CECR2: variants seen among roughly 807,000 people sequenced by gnomAD.
The protein encoded by CECR2 is chromatin remodeling regulator CECR2.
CECR2 carries 30 observed loss-of-function variants against 154.5 expected under a neutral mutation model. The observed-to-expected ratio is 0.19, with a 90% CI of 0.15 to 0.26. The LOEUF is 0.26. CECR2 is among the 10% of genes least tolerant of loss of function. The probability of loss-of-function intolerance (pLI) is 1.00; values close to 1 mark genes in which losing one functional copy is unlikely to be tolerated. For missense variants in CECR2, 1,743 were observed against 1,829.3 expected, an observed-to-expected ratio of 0.95 and a Z score of 0.86; for synonymous variants, 725 against 683.7, an observed-to-expected ratio of 1.06 and a Z score of -0.94.
chr22:17,410,386 T>C (rs1283605606), intron 1 of CECR2, among the ~76,000 whole-genome samples: 2 of 151,644 alleles, frequency 1.3e-5, no homozygotes, highest in Admixed American at 1.3e-4. Context: ...AATGGTATAG[T>C]TTTCTTTCAT....
chr22:17,493,316 G>A (rs1225637936), intron 2 of CECR2, among the ~76,000 whole-genome samples: 2 of 152,264 alleles, frequency 1.3e-5, no homozygotes, highest in African/African-American at 4.8e-5. Flanking sequence ...ATGCAAAATT[G>A]TGTGCTCATT....
chr22:17,554,087 G>GTA lies in CECR2; in HGVS notation c.*1249_*1250dup, dbSNP rs1397031652. ...GAACAAGTTCTTGGAATTATCTGTT[G>GTA]TATCTGTGATAGGAAACCATTTTAC... On this transcript the variant is annotated 3_prime_UTR_variant, in exon 19 of 19. Coordinates refer to ENST00000262608, the MANE Select transcript of CECR2 (RefSeq NM_001290047.2). 6.6e-6 allele frequency: 1 copy of GTA among 152,142 alleles called. No individual in the cohort carries two copies. Among genetic ancestry groups the GTA allele is most frequent in the Non-Finnish European group, 1.5e-5 (1 of 68,006 alleles). 9.4% of individuals were successfully genotyped at this position (152,142 alleles called of 1,614,324 possible). A position where few individuals can be genotyped will look rare whatever the true frequency, so the allele number is the denominator to read the frequency against.
rs905868537 is a variant in CECR2 at position 17,435,161 on chromosome 22, C to T, written c.127-42427C>T. On this transcript the variant is annotated intron_variant, in intron 1 of 18. Transcript: ENST00000262608. ...TGATTTTTCAAGCAAAGGGAGATAC[C>T]CAGATTTTTGTGTAAGCTCCTCCAA... is the stretch of plus-strand genomic sequence containing the variant. Among the ~76,000 whole-genome samples, 11 of 151,980 alleles carry T rather than the reference C, an allele frequency of 7.2e-5. 1 individual carries two copies. In the South Asian group the frequency reaches 1.0e-3, roughly 14 times the overall value.
At chr22:17,413,798 T>A (rs1429579346) in intron 1 of CECR2, among the ~76,000 whole-genome samples, 1 of 150,378 alleles carries the variant, frequency 6.6e-6, no homozygotes, top group Admixed American at 6.6e-5. Context: ...TGCCTCAGCT[T>A]CCCGAGTAGC....
intron 1 of CECR2, among the ~76,000 whole-genome samples, chr22:17,413,498 G>A (rs1212020796): frequency 1.3e-5 from 2 of 152,060 alleles, no homozygotes; most frequent in Non-Finnish European, 2.9e-5. Context: ...CAGACCTGGG[G>A]ATCTTAGCAG....
At position 17,477,577 on chromosome 22, in the gene CECR2, C is replaced by A. The variant is rs1437763573; in HGVS notation, c.127-11C>A. On this transcript the variant is annotated splice_polypyrimidine_tract_variant and intron_variant, in intron 1 of 18. Coordinates refer to ENST00000262608, the MANE Select transcript of CECR2 (RefSeq NM_001290047.2). ...GTTTGATTTCTCAACTTCCCTCTCT[C>A]CCTCCCTCAGGAGTTAGAAGCCGCT... The A allele has an allele frequency of 1.9e-6, 3 of 1,574,896 alleles. No individual in the cohort carries two copies. The highest frequency in any genetic ancestry group is 1.3e-5 in the African/African-American group (1 of 74,268).
chr22:17,446,828 C>CAA (rs2054673265), intron 1 of CECR2, among the ~76,000 whole-genome samples: 1 of 152,122 alleles, frequency 6.6e-6, no homozygotes, highest in Non-Finnish European at 1.5e-5. Context: ...GAGCAGGTTG[C>CAA]CGCTGTGAGG....
intron 1 of CECR2, among the ~76,000 whole-genome samples, chr22:17,425,506 C>G (rs2054316740): frequency 6.6e-6 from 1 of 152,106 alleles, no homozygotes; most frequent in Non-Finnish European, 1.5e-5. Context: ...TATATGGGCT[C>G]TGATAGGAAT....
rs559304987 is a variant in CECR2 at position 17,447,507 on chromosome 22, C to G, written c.127-30081C>G. On this transcript the variant is annotated intron_variant, in intron 1 of 18. Coordinates refer to ENST00000262608, the MANE Select transcript of CECR2 (RefSeq NM_001290047.2). ...GCTGATTGGTGCGTTTACAGTACCA[C>G]TGCACTCCAGCCTGGGCAACAGAGC... is the stretch of plus-strand genomic sequence containing the variant. Among the ~76,000 whole-genome samples, 92 of 152,208 alleles carry G rather than the reference C, an allele frequency of 6.0e-4. No homozygotes were observed. The Middle Eastern group carries it at 0.034, about 56-fold the overall frequency.
At chr22:17,421,512 G>A (rs1007007043) in intron 1 of CECR2, among the ~76,000 whole-genome samples, 3 of 150,324 alleles carry the variant, frequency 2.0e-5, no homozygotes, top group Middle Eastern at 3.5e-3. Context: ...CTACTTGGGA[G>A]GCTGAGGCAG....
At chr22:17,433,100 C>T (rs947444743) in intron 1 of CECR2, among the ~76,000 whole-genome samples, 7 of 152,122 alleles carry the variant, frequency 4.6e-5, no homozygotes, top group African/African-American at 1.7e-4. Context: ...AATCCTTTAT[C>T]GCTTATATCG....
intron 9 of CECR2, chr22:17,524,480 C>T: frequency 2.0e-6 from 1 of 512,360 alleles, no homozygotes; most frequent in South Asian, 2.1e-5. Context: ...GCAAGCTTCA[C>T]CTCCCGGGTT....
chr22:17,453,271 G>T (rs927773796), intron 1 of CECR2, among the ~76,000 whole-genome samples: 1 of 152,082 alleles, frequency 6.6e-6, no homozygotes, highest in African/African-American at 2.4e-5. Flanking sequence ...GAGAAACCCC[G>T]TCTCTGCTAA....
At chr22:17,549,789 T>TTG (rs68077180) in intron 17 of CECR2, among the ~76,000 whole-genome samples, 7 of 130,808 alleles carry the variant, frequency 5.4e-5, no homozygotes, top group Non-Finnish European at 1.1e-4. Flanking sequence ...TTTTGGTTTT[T>TTG]TTTTTTTTTT....
intron 1 of CECR2, among the ~76,000 whole-genome samples, chr22:17,417,340 G>T (rs911015963): frequency 2.6e-5 from 4 of 152,148 alleles, no homozygotes; most frequent in East Asian, 1.9e-4. Flanking sequence ...AAATAATTAG[G>T]TTAAAGGTGT....
At chr22:17,502,440 G>T (rs1051523037) in intron 5 of CECR2, among the ~76,000 whole-genome samples, 7 of 152,178 alleles carry the variant, frequency 4.6e-5, no homozygotes, top group Admixed American at 4.6e-4. Flanking sequence ...CTGGAGCAGT[G>T]ATAAAAAACA....
chr22:17,362,884 A>G lies in CECR2; in HGVS notation c.-364+2861A>G, dbSNP rs554488047. On this transcript the variant is annotated intron_variant, in intron 1 of 18. Transcript: ENST00000400585. ...GCCACTGAACTCTAGCCTGGGCGAC[A>G]GAGCGAAACTCCGTCTCAAAAAAAA... 3.8e-4 allele frequency among the ~76,000 whole-genome samples: 54 copies of G among 143,118 alleles called. 1 individual carries two copies. In the South Asian group the frequency reaches 0.013, roughly 34 times the overall value. 93.9% of individuals were successfully genotyped at this position (143,118 alleles called of 152,430 possible).
chr22:17,401,829 C>CT (rs1555943591), intron 1 of CECR2, among the ~76,000 whole-genome samples: 20,688 of 74,994 alleles, frequency 0.28, 2,109 homozygotes, highest in Non-Finnish European at 0.31. Flanking sequence ...ATATTTAACA[C>CT]CCCCCCCCGC....
At chr22:17,402,093 C>G (rs1253330866) in intron 1 of CECR2, among the ~76,000 whole-genome samples, 4 of 152,148 alleles carry the variant, frequency 2.6e-5, no homozygotes, top group African/African-American at 9.7e-5. Context: ...AAGTGATTCT[C>G]TTGCCTCAGC....
Sources: allele counts gnomAD v4.1 joint callset (sites outside exome capture counted in the v4.1 genomes callset), GRCh38; gene constraint gnomAD v4.1.1; transcripts MANE v1.5; gene names NCBI Gene and HGNC (gene_info 2026-07-23, HGNC 2026-07-21).